Variants in LPXN observed in about 807,000 individuals in gnomAD.
The protein encoded by LPXN is leupaxin.
LPXN carries 28 observed loss-of-function variants against 45.6 expected under a neutral mutation model. The observed-to-expected ratio is 0.61, with a 90% confidence interval of 0.45 to 0.84. LPXN has a LOEUF of 0.84. LPXN is among the 40% of genes least tolerant of loss of function. LPXN has a pLI of 0.00. For synonymous variants in LPXN, 166 were observed against 169.9 expected, an observed-to-expected ratio of 0.98 and a Z score of 0.18; for missense variants, 459 against 475.0, an observed-to-expected ratio of 0.97 and a Z score of 0.31.
At chr11:58,570,762 TAC>T (rs1428319155) in intron 1 of LPXN, 49 bp from the exon 2 acceptor site, 2 of 1,428,444 alleles carry the variant, frequency 1.4e-6, no homozygotes, top group East Asian at 2.3e-5. Flanking sequence ...TTTAAATCCC[TAC>T]AGTCATTTTC....
At chr11:58,532,741 T>G (rs1219986825) in intron 7 of LPXN, among the ~76,000 whole-genome samples, 1 of 152,136 alleles carries the variant, frequency 6.6e-6, no homozygotes, top group Non-Finnish European at 1.5e-5. Flanking sequence ...ATGCACCAAT[T>G]AGCAAGATGT....
At chr11:58,541,885 T>C in intron 7 of LPXN, among the ~76,000 whole-genome samples, 1 of 152,042 alleles carries the variant, frequency 6.6e-6, no homozygotes, top group Non-Finnish European at 1.5e-5. Context: ...TTCATGTCCT[T>C]TGTAGGGACA....
At chr11:58,528,851 T>A (rs552401496) in intron 7 of LPXN, among the ~76,000 whole-genome samples, 36 of 152,322 alleles carry the variant, frequency 2.4e-4, no homozygotes, top group South Asian at 6.2e-4. Flanking sequence ...TTTTTATTTT[T>A]TGTGTGGGTA....
chr11:58,554,830 C>T lies in LPXN; in HGVS notation c.318+11G>A, dbSNP rs780232788. Reference sequence around the variant, plus strand: ...TCACCTTGGCCTGCACTCACCTTGGCCTGCACTCACCTTGGCCTGCATCTC... The same window carrying T: ...TCACCTTGGCCTGCACTCACCTTGGTCTGCACTCACCTTGGCCTGCATCTC... On this transcript the variant is annotated intron_variant, in intron 4 of 8. Coordinates refer to ENST00000395074, the MANE Select transcript of LPXN (RefSeq NM_004811.3). 2 of 1,610,092 alleles carry T rather than the reference C, an allele frequency of 1.2e-6. No individual in the cohort carries two copies. Among genetic ancestry groups the T allele is most frequent in the South Asian group, 2.2e-5 (2 of 90,866 alleles).
At chr11:58,577,311 A>C (rs1854924810), upstream of LPXN, among the ~76,000 whole-genome samples, 1 of 152,244 alleles carries the variant, frequency 6.6e-6, no homozygotes, top group Non-Finnish European at 1.5e-5. Flanking sequence ...TAGCCCTATG[A>C]AAATGGAAAA....
At chr11:58,531,364 T>C (rs188053432) in intron 7 of LPXN, among the ~76,000 whole-genome samples, 1 of 151,956 alleles carries the variant, frequency 6.6e-6, no homozygotes, top group Non-Finnish European at 1.5e-5. Flanking sequence ...AGAACATACA[T>C]GACCTGATGG....
chr11:58,558,635 C>T (rs1327693157), intron 3 of LPXN, among the ~76,000 whole-genome samples: 1 of 140,380 alleles, frequency 7.1e-6, no homozygotes, highest in Non-Finnish European at 1.6e-5. Context: ...AACCCAGAAA[C>T]AGGCTCCTGC....
chr11:58,570,515 C>CA, intron 2 of LPXN, 41 bp downstream of exon 2: 2 of 1,475,124 alleles, frequency 1.4e-6, no homozygotes, highest in Non-Finnish European at 1.8e-6. Context: ...GAAATGCACT[C>CA]AAACATCCAT....
chr11:58,552,727 T>C (rs2515361), intron 4 of LPXN, among the ~76,000 whole-genome samples: 145,655 of 152,288 alleles, frequency 0.96, 69,816 homozygotes, highest in South Asian at 0.99. Flanking sequence ...CATCCTTCCT[T>C]CTCTAATATA....
At chr11:58,534,203 G>T (rs866971324) in intron 7 of LPXN, among the ~76,000 whole-genome samples, 2 of 152,062 alleles carry the variant, frequency 1.3e-5, no homozygotes, top group Non-Finnish European at 2.9e-5. Flanking sequence ...CTCTCCACCC[G>T]AAATCAACAG....
At chr11:58,547,492 T>A (rs1027909333) in intron 7 of LPXN, among the ~76,000 whole-genome samples, 5 of 152,134 alleles carry the variant, frequency 3.3e-5, no homozygotes, top group South Asian at 2.1e-4. Flanking sequence ...TTAACAACAA[T>A]CCTAGACAAG....
Position 58,540,429 on chromosome 11 carries a change from T to G in LPXN, c.742+9357A>C, listed in dbSNP as rs554024385. Among the ~76,000 whole-genome samples the G allele has an allele frequency of 2.6e-5, 4 of 152,224 alleles. No homozygotes were observed. In the East Asian group the frequency reaches 5.8e-4, roughly 22 times the overall value. On this transcript the variant is annotated intron_variant, in intron 7 of 8. Coordinates refer to ENST00000395074, the MANE Select transcript of LPXN (RefSeq NM_004811.3). ...AGGAATTGTAAATGATAATAAGAAA[T>G]TCTTAATTTGTTAAGCATAAAGGTA...
At chr11:58,575,983 C>A, upstream of LPXN, 1 of 1,376,912 alleles carries the variant, frequency 7.3e-7, no homozygotes, top group Non-Finnish European at 9.5e-7. Context: ...AAAAATGTGA[C>A]TGACATAGAA....
intron 7 of LPXN, among the ~76,000 whole-genome samples, chr11:58,543,113 TC>T (rs1853778339): frequency 6.6e-6 from 1 of 152,162 alleles, no homozygotes; most frequent in Non-Finnish European, 1.5e-5. Context: ...ACTCTCTCTC[TC>T]GCCATGCAGA....
At chr11:58,541,487 G>T (rs1464203247) in intron 7 of LPXN, among the ~76,000 whole-genome samples, 2 of 151,742 alleles carry the variant, frequency 1.3e-5, no homozygotes, top group Non-Finnish European at 2.9e-5. Context: ...AAACCACAAT[G>T]AGATACCATC....
intron 1 of LPXN, 138 bp from the exon 2 acceptor site, chr11:58,570,851 T>C (rs1228801738): frequency 1.8e-6 from 1 of 569,264 alleles, no homozygotes; most frequent in East Asian, 3.0e-5. Flanking sequence ...TTTCCCTTAT[T>C]CCTTATTTCA....
intron 5 of LPXN, 140 bp from the exon 6 acceptor site, chr11:58,550,286 G>A (rs1854010968): frequency 3.8e-6 from 3 of 791,552 alleles, no homozygotes; most frequent in Non-Finnish European, 6.3e-6. Context: ...CTGAGGCCTA[G>A]ACCTAGGTTC....
intron 7 of LPXN, among the ~76,000 whole-genome samples, chr11:58,543,392 G>T (rs1853786674): frequency 6.6e-6 from 1 of 152,134 alleles, no homozygotes; most frequent in Non-Finnish European, 1.5e-5. Context: ...TGCATAAATA[G>T]ATTAACTTTT....
intron 7 of LPXN, among the ~76,000 whole-genome samples, chr11:58,542,458 A>C (rs1481595343): frequency 6.6e-6 from 1 of 151,834 alleles, no homozygotes; most frequent in Non-Finnish European, 1.5e-5. Flanking sequence ...GTTTTTTTTA[A>C]AAAAGATGTA....
Sources: gnomAD v4.1 joint callset for allele counts (sites outside exome capture counted in the v4.1 genomes callset) on GRCh38, gnomAD v4.1.1 for gene constraint, MANE v1.5 for transcripts, NCBI Gene and HGNC (gene_info 2026-07-23, HGNC 2026-07-21) for gene names.